The following FBXO8 variants were observed in gnomAD, a reference collection of about 807,000 sequenced individuals.
FBXO8 encodes F-box protein 8.
A neutral mutation model predicts 33.4 loss-of-function variants in FBXO8; 15 were observed. That is an observed-to-expected ratio of 0.45 (90% CI 0.30 to 0.69). FBXO8 has a LOEUF of 0.69. Among genes scored for constraint, FBXO8 ranks in the 30% least tolerant of loss-of-function variants. The probability of loss-of-function intolerance (pLI) is 0.08; values close to 1 mark genes in which losing one functional copy is unlikely to be tolerated. For synonymous variants in FBXO8, 132 were observed against 131.5 expected (o/e 1.00, Z -0.02); for missense variants, 274 against 380.3 (o/e 0.72, Z 2.32).
rs1249754171 is a variant in FBXO8, at chr4:174,251,241, A to G, written c.456+8458T>C. Among the ~76,000 whole-genome samples, 1 of 152,188 alleles carries G rather than the reference A, an allele frequency of 6.6e-6. No individual in the cohort carries two copies. Among genetic ancestry groups the G allele is most frequent in the African/African-American group, 2.4e-5 (1 of 41,460 alleles). ...GATACAGCAAATTAGTAGTTCCCAT[A>G]GCACACTGAATAAAACAAGAGCAAA... On this transcript the variant is annotated intron_variant, in intron 3 of 5. Coordinates refer to ENST00000393674, the MANE Select transcript of FBXO8 (RefSeq NM_012180.3). This position sits in a 1 kb window ranked among gnomAD's most constrained non-coding sequence, Gnocchi z 4.2.
chr4:174,276,287 G>A (rs1214631135), intron 1 of FBXO8, among the ~76,000 whole-genome samples: 2 of 152,120 alleles, frequency 1.3e-5, no homozygotes, highest in East Asian at 3.9e-4. Context: ...GCCCAGGCTG[G>A]AGTGCAGTGG....
Position 174,237,678 on chromosome 4 carries a change from T to G in FBXO8, c.773-79A>C, listed in dbSNP as rs527483531. 8.5e-7 allele frequency: 1 copy of G among 1,178,488 alleles called. No homozygotes were observed. Among genetic ancestry groups the G allele is most frequent in the East Asian group, 2.5e-5 (1 of 39,230 alleles). The allele number at this position is 1,178,488 out of a possible 1,614,324, so 73.0% of individuals were successfully genotyped here. A position where few individuals can be genotyped will look rare whatever the true frequency, so the allele number is the denominator to read the frequency against. ...CCAATGGCATTATATAAGGCAAAAA[T>G]GTTCATAATTTCAAGATATCAAGAT... is the stretch of plus-strand genomic sequence containing the variant. On this transcript the variant is annotated intron_variant, in intron 5 of 5. Transcript: ENST00000393674. This position sits in a 1 kb window ranked among gnomAD's most constrained non-coding sequence, Gnocchi z 4.4.
chr4:174,283,014 T>C lies in FBXO8; in HGVS notation c.-9+396A>G, dbSNP rs758020430. Among the ~76,000 whole-genome samples the C allele has an allele frequency of 6.6e-6, 1 of 152,196 alleles. No homozygotes were observed. The highest frequency in any genetic ancestry group is 1.5e-5 in the Non-Finnish European group (1 of 68,022). On this transcript the variant is annotated intron_variant, in intron 1 of 5. Coordinates refer to ENST00000393674, the MANE Select transcript of FBXO8 (RefSeq NM_012180.3). This position sits in a 1 kb window ranked among gnomAD's most constrained non-coding sequence, Gnocchi z 6.7. Reference sequence around the variant, plus strand: ...ATACTTGTGTTTGCATTCATATTACTGGAAAGTGGTAAAGAACCAAAAACT... The same window carrying C: ...ATACTTGTGTTTGCATTCATATTACCGGAAAGTGGTAAAGAACCAAAAACT...
chr4:174,248,418 G>C (rs1377575407), intron 3 of FBXO8, among the ~76,000 whole-genome samples: 2 of 152,034 alleles, frequency 1.3e-5, no homozygotes, highest in East Asian at 1.9e-4. Context: ...CTATTCACCA[G>C]AAGGCTCTGT....
intron 1 of FBXO8, among the ~76,000 whole-genome samples, chr4:174,266,121 G>C (rs1304050609): frequency 1.3e-5 from 2 of 152,208 alleles, no homozygotes; most frequent in East Asian, 3.9e-4. Context: ...AGGGAACAAA[G>C]AATCAGGGTG....
At position 174,262,665 on chromosome 4, in the gene FBXO8, G is replaced by C; in HGVS notation, c.329+99C>G. The C allele has an allele frequency of 9.3e-7, 1 of 1,070,992 alleles. No individual in the cohort carries two copies. Among genetic ancestry groups the C allele is most frequent in the Non-Finnish European group, 1.3e-6 (1 of 755,014 alleles). The allele number at this position is 1,070,992 out of a possible 1,614,324, so 66.3% of individuals were successfully genotyped here. On this transcript the variant is annotated intron_variant, in intron 2 of 5. Transcript: ENST00000393674. This position sits in a 1 kb window ranked among gnomAD's most constrained non-coding sequence, Gnocchi z 4.6. ...AGAGCATCTCAAAGTACAAGCCCAA[G>C]TTTAAAGAAAATATTTTGTAATATA... is the stretch of plus-strand genomic sequence containing the variant.
intron 1 of FBXO8, among the ~76,000 whole-genome samples, chr4:174,273,332 A>AG (rs1560875545): frequency 7.9e-5 from 8 of 100,870 alleles, no homozygotes; most frequent in South Asian, 6.2e-4. Context: ...TTAAAAAAAA[A>AG]AAAAAGAAAA....
chr4:174,273,333 A>AAG lies in FBXO8; in HGVS notation c.-9+10076_-9+10077insCT, dbSNP rs1553975236. Among the ~76,000 whole-genome samples the AAG allele has an allele frequency of 6.9e-5, 8 of 116,102 alleles. No homozygotes were observed. The South Asian group carries it at 1.3e-3, about 19-fold the overall frequency. The allele number at this position is 116,102 out of a possible 152,430, so 76.2% of individuals were successfully genotyped here. On this transcript the variant is annotated intron_variant, in intron 1 of 5. Transcript: ENST00000393674. ...CAATGTCATAAAAGTTAAAAAAAAAAAAAAGAAAAGAAAAGAAAAAAGGTG... is the reference window on the plus strand; with the variant it reads ...CAATGTCATAAAAGTTAAAAAAAAAAAGAAAAGAAAAGAAAAGAAAAAAGGTG...
In FBXO8 at chr4:174,237,677, A is replaced by G; in HGVS notation, c.773-78T>C. On this transcript the variant is annotated intron_variant, in intron 5 of 5. Coordinates refer to ENST00000393674, the MANE Select transcript of FBXO8 (RefSeq NM_012180.3). The surrounding 1 kb of genome is among the most constrained non-coding windows in gnomAD (Gnocchi z 4.4). ...TCCAATGGCATTATATAAGGCAAAA[A>G]TGTTCATAATTTCAAGATATCAAGA... The G allele has an allele frequency of 8.5e-7, 1 of 1,182,972 alleles. No homozygotes were observed. Among genetic ancestry groups the G allele is most frequent in the Non-Finnish European group, 1.2e-6 (1 of 848,500 alleles). 73.3% of individuals were successfully genotyped at this position (1,182,972 alleles called of 1,614,324 possible). A position where few individuals can be genotyped will look rare whatever the true frequency, so the allele number is the denominator to read the frequency against.
chr4:174,275,508 T>C lies in FBXO8; in HGVS notation c.-9+7902A>G, dbSNP rs1560876165. Among the ~76,000 whole-genome samples, 2 of 152,038 alleles carry C rather than the reference T, an allele frequency of 1.3e-5. No homozygotes were observed. The highest frequency in any genetic ancestry group is 6.6e-5 in the Admixed American group (1 of 15,262). ...TATATTTCTTGAGACTGCATGTACATCTACAATTATCTTAAAAAATCATAG... is the reference window on the plus strand; with the variant it reads ...TATATTTCTTGAGACTGCATGTACACCTACAATTATCTTAAAAAATCATAG... On this transcript the variant is annotated intron_variant, in intron 1 of 5. Coordinates refer to ENST00000393674, the MANE Select transcript of FBXO8 (RefSeq NM_012180.3). This position sits in a 1 kb window ranked among gnomAD's most constrained non-coding sequence, Gnocchi z 4.4.
rs946764780 is a variant in FBXO8, at chr4:174,275,305, G to A, written c.-9+8105C>T. On this transcript the variant is annotated intron_variant, in intron 1 of 5. Transcript: ENST00000393674. This position sits in a 1 kb window ranked among gnomAD's most constrained non-coding sequence, Gnocchi z 4.4. ...CTATCTTGACTATGGTGCTGGATAT[G>A]TGAACTTGCACAGAACTTCATACAC... Among the ~76,000 whole-genome samples the A allele has an allele frequency of 1.3e-5, 2 of 152,162 alleles. No homozygotes were observed. The highest frequency in any genetic ancestry group is 4.8e-5 in the African/African-American group (2 of 41,438).
intron 1 of FBXO8, among the ~76,000 whole-genome samples, chr4:174,280,122 C>A (rs1737045554): frequency 1.3e-5 from 2 of 151,940 alleles, no homozygotes; most frequent in Admixed American, 1.3e-4. Flanking sequence ...CTATAATTTA[C>A]AGATAACTCC....
Position 174,265,102 on chromosome 4 carries a change from G to A in FBXO8, c.-8-2002C>T, listed in dbSNP as rs746906815. On this transcript the variant is annotated intron_variant, in intron 1 of 5. Transcript: ENST00000393674. This position sits in a 1 kb window ranked among gnomAD's most constrained non-coding sequence, Gnocchi z 4.7. ...ACACACCCATTAAAAGAGTATATCCGAAACAGTGACAATACCAAATGCTGG... is the reference window on the plus strand; with the variant it reads ...ACACACCCATTAAAAGAGTATATCCAAAACAGTGACAATACCAAATGCTGG... Among the ~76,000 whole-genome samples, 24 of 152,060 alleles carry A rather than the reference G, an allele frequency of 1.6e-4. No homozygotes were observed. Among genetic ancestry groups the A allele is most frequent in the East Asian group, 5.8e-4 (3 of 5,188 alleles).
Position 174,237,048 on chromosome 4 carries a change from T to A in FBXO8, c.*364A>T, listed in dbSNP as rs1476564027. On this transcript the variant is annotated 3_prime_UTR_variant, in exon 6 of 6. Coordinates refer to ENST00000393674, the MANE Select transcript of FBXO8 (RefSeq NM_012180.3). The surrounding 1 kb of genome is among the most constrained non-coding windows in gnomAD (Gnocchi z 4.4). ...CTATAAATCTCTTTAGTTAAATATG[T>A]ACACATTACATGGTATTTGTATAAA... 6.1e-6 allele frequency: 1 copy of A among 164,168 alleles called. No individual in the cohort carries two copies. Among genetic ancestry groups the A allele is most frequent in the Non-Finnish European group, 1.3e-5 (1 of 75,498 alleles). 10.2% of individuals were successfully genotyped at this position (164,168 alleles called of 1,614,324 possible). A position where few individuals can be genotyped will look rare whatever the true frequency, so the allele number is the denominator to read the frequency against.
rs551464476 is a variant in FBXO8, at chr4:174,247,165, T to C, written c.457-5947A>G. 3.9e-5 allele frequency among the ~76,000 whole-genome samples: 6 copies of C among 152,212 alleles called. No individual in the cohort carries two copies. In the South Asian group the frequency reaches 8.3e-4, roughly 21 times the overall value. ...ATGAAAAAGTACTGATAATTGGTAC[T>C]GAAAGTACTGTCTACTGCCACAGAC... is the stretch of plus-strand genomic sequence containing the variant. On this transcript the variant is annotated intron_variant, in intron 3 of 5. Coordinates refer to ENST00000393674, the MANE Select transcript of FBXO8 (RefSeq NM_012180.3). The surrounding 1 kb of genome is among the most constrained non-coding windows in gnomAD (Gnocchi z 4.6).
At position 174,278,021 on chromosome 4, in the gene FBXO8, T is replaced by C. The variant is rs1736993881; in HGVS notation, c.-9+5389A>G. Among the ~76,000 whole-genome samples, 1 of 152,084 alleles carries C rather than the reference T, an allele frequency of 6.6e-6. No homozygotes were observed. The highest frequency in any genetic ancestry group is 1.5e-5 in the Non-Finnish European group (1 of 67,956). On this transcript the variant is annotated intron_variant, in intron 1 of 5. Coordinates refer to ENST00000393674, the MANE Select transcript of FBXO8 (RefSeq NM_012180.3). The surrounding 1 kb of genome is among the most constrained non-coding windows in gnomAD (Gnocchi z 4.1). ...AATCAAATCAGGAGCCTAGCATTTA[T>C]TTCTTCACTTCCAAAAGAATAGACC...
chr4:174,276,551 T>A (rs1037930210), intron 1 of FBXO8, among the ~76,000 whole-genome samples: 8 of 152,126 alleles, frequency 5.3e-5, no homozygotes, highest in Non-Finnish European at 1.0e-4. Flanking sequence ...AGCCAATTTT[T>A]AAAAAAAATT....
chr4:174,257,448 T>C lies in FBXO8; in HGVS notation c.456+2251A>G, dbSNP rs987163677. Among the ~76,000 whole-genome samples, 2 of 152,240 alleles carry C rather than the reference T, an allele frequency of 1.3e-5. No homozygotes were observed. Among genetic ancestry groups the C allele is most frequent in the East Asian group, 3.9e-4 (2 of 5,180 alleles). On this transcript the variant is annotated intron_variant, in intron 3 of 5. Coordinates refer to ENST00000393674, the MANE Select transcript of FBXO8 (RefSeq NM_012180.3). This position sits in a 1 kb window ranked among gnomAD's most constrained non-coding sequence, Gnocchi z 4.3. ...TATAATGTAACATTTGAAAGTGATATGAATTGAAGATGACAGTTTTACTCA... is the reference window on the plus strand; with the variant it reads ...TATAATGTAACATTTGAAAGTGATACGAATTGAAGATGACAGTTTTACTCA...
In FBXO8 at chr4:174,274,741, T is replaced by G. The variant is rs1736919654; in HGVS notation, c.-9+8669A>C. 6.6e-6 allele frequency among the ~76,000 whole-genome samples: 1 copy of G among 152,204 alleles called. No individual in the cohort carries two copies. The highest frequency in any genetic ancestry group is 6.5e-5 in the Admixed American group (1 of 15,284). On this transcript the variant is annotated intron_variant, in intron 1 of 5. Coordinates refer to ENST00000393674, the MANE Select transcript of FBXO8 (RefSeq NM_012180.3). The surrounding 1 kb of genome is among the most constrained non-coding windows in gnomAD (Gnocchi z 4.0). Reference sequence around the variant, plus strand: ...TGAATAAACGATTAGTAAGCACTGATTTTAAAAAAAATGAATTACATGAAC... The same window carrying G: ...TGAATAAACGATTAGTAAGCACTGAGTTTAAAAAAAATGAATTACATGAAC...
Sources: allele counts gnomAD v4.1 joint callset (sites outside exome capture counted in the v4.1 genomes callset), GRCh38; gene constraint gnomAD v4.1.1; non-coding constraint Gnocchi (gnomAD v3.1); transcripts MANE v1.5; gene names NCBI Gene and HGNC (gene_info 2026-07-23, HGNC 2026-07-21).